XPO5: variants seen among roughly 807,000 people sequenced by gnomAD.
XPO5 encodes the protein exportin 5, also known as exportin-5.
XPO5 carries 46 observed loss-of-function variants against 160.6 expected under a neutral mutation model. That is an observed-to-expected ratio of 0.29 (90% CI 0.23 to 0.37). The LOEUF is 0.37. XPO5 is among the 10% of genes least tolerant of loss of function. XPO5 has a pLI of 1.00. For missense variants in XPO5, 1,090 were observed against 1,463.9 expected, an observed-to-expected ratio of 0.74 and a Z score of 4.17; for synonymous variants, 537 against 519.3, an observed-to-expected ratio of 1.03 and a Z score of -0.46.
chr6:43,528,916 A>G lies in XPO5; in HGVS notation c.2687T>C (p.Val896Ala). 1 of 1,612,688 alleles carries G rather than the reference A, an allele frequency of 6.2e-7. No individual in the cohort carries two copies. Among genetic ancestry groups the G allele is most frequent in the South Asian group, 1.1e-5 (1 of 90,852 alleles). Residue 896 changes from valine to alanine, a missense_variant, in exon 24 of 32, where the codon GTA becomes GCA. By Grantham distance (64) the Val-to-Ala change is moderately conservative (BLOSUM62 0). Transcript: ENST00000265351. ...GGGACAGAAGAGCACCAGAGGCTTT[A>G]CAAAGACACGTGCTGCAACAAGTTA... ...YRLRPMLRVF[V>A]KPLVLFCPPE...
chr6:43,537,140 C>CTTT (rs70990198), intron 20 of XPO5, among the ~76,000 whole-genome samples: 30 of 137,178 alleles, frequency 2.2e-4, no homozygotes, highest in African/African-American at 6.9e-4. Flanking sequence ...ATAATTAAAA[C>CTTT]TTTTTTTTTT....
At chr6:43,528,070 G>T in intron 25 of XPO5, 89 bp downstream of exon 25, 1 of 1,327,760 alleles carries the variant, frequency 7.5e-7, no homozygotes, top group East Asian at 2.5e-5. Flanking sequence ...TTCTACCCTG[G>T]GACAGCAGAA....
intron 19 of XPO5, among the ~76,000 whole-genome samples, chr6:43,547,155 A>C (rs887009777): frequency 2.6e-5 from 4 of 152,206 alleles, no homozygotes; most frequent in Admixed American, 1.3e-4. Context: ...GGTACTCTGA[A>C]TCAACCTACT....
chr6:43,556,626 A>T (rs1484026068), intron 12 of XPO5, among the ~76,000 whole-genome samples: 1 of 152,226 alleles, frequency 6.6e-6, no homozygotes, highest in African/African-American at 2.4e-5. Flanking sequence ...TGAAAATATT[A>T]AACTTGCAAT....
At position 43,523,706 on chromosome 6, in the gene XPO5, G is replaced by T. The variant is rs1793347074; in HGVS notation, c.*162C>A. ...TGATACTTTAGTATAATTACTTCTG[G>T]TCCTGCACAGGGCCTGTTCTCTCCA... On this transcript the variant is annotated 3_prime_UTR_variant, in exon 32 of 32. Coordinates refer to ENST00000265351, the MANE Select transcript of XPO5 (RefSeq NM_020750.3). 4 of 1,090,776 alleles carry T rather than the reference G, an allele frequency of 3.7e-6. No individual in the cohort carries two copies. The African/African-American group carries it at 4.6e-5, about 13-fold the overall frequency. 67.6% of individuals were successfully genotyped at this position (1,090,776 alleles called of 1,614,324 possible). A position where few individuals can be genotyped will look rare whatever the true frequency, so the allele number is the denominator to read the frequency against.
chr6:43,529,069 A>G, intron 23 of XPO5, 144 bp from the exon 24 acceptor site: 1 of 1,107,886 alleles, frequency 9.0e-7, no homozygotes, highest in South Asian at 1.5e-5. Context: ...AAAAAATCTT[A>G]AAGTTCTTTT....
At position 43,575,876 on chromosome 6, in the gene XPO5, C is replaced by G. The variant is rs373023684; in HGVS notation, c.-12G>C. 3.1e-6 allele frequency: 5 copies of G among 1,613,038 alleles called. No individual in the cohort carries two copies. Among genetic ancestry groups the G allele is most frequent in the Middle Eastern group, 1.6e-4 (1 of 6,080 alleles). ...TGATCCATCGCCATGCCTAGCGCCA[C>G]GCGCCGAGAGCGCACACCACTGCAG... On this transcript the variant is annotated 5_prime_UTR_variant, in exon 1 of 32. Transcript: ENST00000265351.
chr6:43,566,736 GA>G, intron 7 of XPO5: 1 of 260,298 alleles, frequency 3.8e-6, no homozygotes, highest in Non-Finnish European at 8.5e-6. Flanking sequence ...CTTGAACCCG[GA>G]AGGCGGACGT....
In XPO5 at chr6:43,549,889, T is replaced by C. The variant is rs1795145610; in HGVS notation, c.1770+4A>G. On this transcript the variant is annotated splice_donor_region_variant and intron_variant, in intron 16 of 31. Coordinates refer to ENST00000265351, the MANE Select transcript of XPO5 (RefSeq NM_020750.3). ...GAATCTATTGGTTTAATTAATGGTC[T>C]TACCTTACTTTCTTCAACAGTTTCA... The C allele has an allele frequency of 6.2e-7, 1 of 1,609,244 alleles. No homozygotes were observed. The highest frequency in any genetic ancestry group is 8.5e-7 in the Non-Finnish European group (1 of 1,177,332).
At position 43,529,005 on chromosome 6, in the gene XPO5, G is replaced by C. The variant is rs1016044762; in HGVS notation, c.2678-80C>G. On this transcript the variant is annotated intron_variant, in intron 23 of 31. Coordinates refer to ENST00000265351, the MANE Select transcript of XPO5 (RefSeq NM_020750.3). Reference sequence around the variant, plus strand: ...AGGTGGTGGGTTGCACCCCTGGGCAGAATCAATCCCTAAAGGATTTGCCAG... The same window carrying C: ...AGGTGGTGGGTTGCACCCCTGGGCACAATCAATCCCTAAAGGATTTGCCAG... 2.8e-5 allele frequency: 37 copies of C among 1,333,336 alleles called. 1 individual carries two copies. The highest frequency in any genetic ancestry group is 3.8e-5 in the Non-Finnish European group (37 of 963,648). 82.6% of individuals were successfully genotyped at this position (1,333,336 alleles called of 1,614,324 possible).
chr6:43,532,708 CCT>C (rs1794056984), intron 21 of XPO5, among the ~76,000 whole-genome samples: 1 of 152,218 alleles, frequency 6.6e-6, no homozygotes, highest in Admixed American at 6.5e-5. Flanking sequence ...TTCTGACTTC[CCT>C]CTGAGACTGG....
chr6:43,567,306 C>T lies in XPO5; in HGVS notation c.697G>A (p.Gly233Ser), dbSNP rs1762744852. 6.2e-7 allele frequency: 1 copy of T among 1,613,728 alleles called. No homozygotes were observed. The highest frequency in any genetic ancestry group is 8.5e-7 in the Non-Finnish European group (1 of 1,179,796). ...VGVAALNTLA[G>S]YIDWVSMSHI... ...CTCATAGACACCCAGTCAATATAGC[C>T]TGCTAGAGTATTCAGTGCTGCAACT... The change falls in exon 7 of 32, where the codon GGC (glycine) becomes AGC (serine). Residue 233 changes from glycine to serine, a missense_variant. Around this residue, in one of 3 missense-constraint regions of XPO5, gnomAD observed 110 missense variants for 97.9 expected, o/e 1.12. Coordinates refer to ENST00000265351, the MANE Select transcript of XPO5 (RefSeq NM_020750.3).
intron 11 of XPO5, among the ~76,000 whole-genome samples, chr6:43,559,393 A>G (rs761031805): frequency 1.3e-5 from 2 of 152,240 alleles, no homozygotes; most frequent in Non-Finnish European, 2.9e-5. Flanking sequence ...CTGATGTTAC[A>G]AATTGAGATT....
intron 26 of XPO5, chr6:43,527,028 G>A: frequency 2.8e-6 from 1 of 356,760 alleles, no homozygotes; most frequent in Non-Finnish European, 5.2e-6. Context: ...GGTCTACTTT[G>A]AATCTCAAAC....
intron 24 of XPO5, 99 bp downstream of exon 24, chr6:43,528,729 A>G: frequency 8.8e-7 from 1 of 1,138,610 alleles, no homozygotes; most frequent in South Asian, 1.3e-5. Flanking sequence ...TGGCAGGGCT[A>G]GTAGACAACA....
chr6:43,527,853 A>T, intron 25 of XPO5, 122 bp from the exon 26 acceptor site: 1 of 1,024,098 alleles, frequency 9.8e-7, no homozygotes, highest in South Asian at 1.6e-5. Flanking sequence ...GTTTTATGCA[A>T]AAGTTGGGAA....
Position 43,523,144 on chromosome 6 carries a change from C to A in XPO5, c.*724G>T. On this transcript the variant is annotated 3_prime_UTR_variant, in exon 32 of 32. Coordinates refer to ENST00000265351, the MANE Select transcript of XPO5 (RefSeq NM_020750.3). ...GGACCTTGAGGCTGGGGAGGCCAGA[C>A]TGAGGGGTCATTCATGGAAGGGCAA... 6.1e-6 allele frequency: 1 copy of A among 165,156 alleles called. No individual in the cohort carries two copies. The highest frequency in any genetic ancestry group is 1.3e-5 in the Non-Finnish European group (1 of 74,778). The allele number at this position is 165,156 out of a possible 1,614,324, so 10.2% of individuals were successfully genotyped here. A position where few individuals can be genotyped will look rare whatever the true frequency, so the allele number is the denominator to read the frequency against.
chr6:43,536,964 T>G (rs1207915089), intron 20 of XPO5, among the ~76,000 whole-genome samples: 1 of 150,862 alleles, frequency 6.6e-6, no homozygotes, highest in Non-Finnish European at 1.5e-5. Flanking sequence ...TTGATTTTTG[T>G]TTTGTTTTTT....
chr6:43,527,790 G>A, intron 25 of XPO5, 59 bp from the exon 26 acceptor site: 1 of 1,577,278 alleles, frequency 6.3e-7, no homozygotes, highest in Non-Finnish European at 8.7e-7. Context: ...GACAAGGAAA[G>A]CAGCGACCCT....
Sources: allele counts gnomAD v4.1 joint callset (sites outside exome capture counted in the v4.1 genomes callset), GRCh38; gene constraint gnomAD v4.1.1; regional missense constraint gnomAD v4.1.1; transcripts MANE v1.5; gene names NCBI Gene and HGNC (gene_info 2026-07-23, HGNC 2026-07-21).